The following CSMD1 variants were observed in gnomAD, a reference collection of about 807,000 sequenced individuals.
The protein encoded by CSMD1 is CUB and sushi domain-containing protein 1.
In CSMD1, 213 loss-of-function variants were observed where a neutral mutation model predicts 417.5. The ratio of observed to expected loss-of-function variants is 0.51; its 90% confidence interval spans 0.46 to 0.57. CSMD1 has a LOEUF of 0.57. Ranked by LOEUF, CSMD1 falls within the 20% of genes least tolerant of loss-of-function variation. The probability of loss-of-function intolerance (pLI) is 0.00; values close to 1 mark genes in which losing one functional copy is unlikely to be tolerated. For missense variants in CSMD1, 6,923 were observed against 4,529.7 expected (o/e 1.53, Z -15.17); for synonymous variants, 2,862 against 1,736.8 (o/e 1.65, Z -16.11).
intron 1 of CSMD1, among the ~76,000 whole-genome samples, chr8:4,907,616 G>A (rs564936888): frequency 7.4e-4 from 112 of 152,222 alleles, no homozygotes; most frequent in Admixed American, 2.6e-3. Flanking sequence ...CTGAAGTGCA[G>A]TGGCAAAAAC....
Position 4,467,035 on chromosome 8 carries a change from C to G in CSMD1, c.303-46970G>C, listed in dbSNP as rs573754714. The stretch of plus-strand genomic sequence containing the variant: ...AACTGGCCTCAAAGGCAACAAAAGT[C>G]TGTTTCATGGCAGAACAATTAAAAG... On this transcript the variant is annotated intron_variant, in intron 2 of 69. Transcript: ENST00000635120. Among the ~76,000 whole-genome samples, 72 of 147,086 alleles carry G rather than the reference C, an allele frequency of 4.9e-4. No individual in the cohort carries two copies. The South Asian group carries it at 0.014, about 28-fold the overall frequency.
At chr8:3,563,662 G>A (rs1036259907) in intron 10 of CSMD1, among the ~76,000 whole-genome samples, 11 of 152,138 alleles carry the variant, frequency 7.2e-5, no homozygotes, top group Middle Eastern at 3.4e-3. Context: ...AGGCTGAGGC[G>A]GGTGGATCAT....
At chr8:3,554,868 C>A (rs1270918586) in intron 10 of CSMD1, among the ~76,000 whole-genome samples, 1 of 152,070 alleles carries the variant, frequency 6.6e-6, no homozygotes, top group African/African-American at 2.4e-5. Context: ...AGGCAGGGAG[C>A]CCCCTGCAGT....
In CSMD1 at chr8:3,120,402, C is replaced by T. The variant is rs116780336; in HGVS notation, c.6242-1815G>A. Among the ~76,000 whole-genome samples the T allele has an allele frequency of 5.7e-3, 869 of 152,234 alleles. 7 individuals are homozygous for T. Among genetic ancestry groups the T allele is most frequent in the African/African-American group, 0.019 (792 of 41,530 alleles). ...ATGTGGGCCTACAGCGTGGCCTTGG[C>T]GTTCACAAGATTAATGTAAGTGCTG... On this transcript the variant is annotated intron_variant, in intron 41 of 69. Transcript: ENST00000635120.
intron 5 of CSMD1, among the ~76,000 whole-genome samples, chr8:3,906,312 A>T (rs552829287): frequency 6.6e-6 from 1 of 152,336 alleles, no homozygotes; most frequent in African/African-American, 2.4e-5. Flanking sequence ...AACCCCATGA[A>T]ACATCAATTT....
intron 31 of CSMD1, among the ~76,000 whole-genome samples, chr8:3,202,584 T>C (rs578088246): frequency 2.6e-5 from 4 of 152,314 alleles, no homozygotes; most frequent in South Asian, 2.1e-4. Context: ...TTACAAGCAA[T>C]GAACAACTAA....
intron 2 of CSMD1, among the ~76,000 whole-genome samples, chr8:4,561,609 G>A (rs1011223113): frequency 3.9e-5 from 6 of 152,132 alleles, no homozygotes; most frequent in Non-Finnish European, 8.8e-5. Flanking sequence ...TTGAGCCCAG[G>A]AGATTGAGGC....
In CSMD1 at chr8:3,147,341, C is replaced by A. The variant is rs779973617; in HGVS notation, c.6031+4056G>T. On this transcript the variant is annotated intron_variant, in intron 40 of 69. Coordinates refer to ENST00000635120, the MANE Select transcript of CSMD1 (RefSeq NM_033225.6). ...TGATTTCTACATTTTTACACGAAAG[C>A]AACTTTTCTTAAATAAGTAATATTT... is the stretch of plus-strand genomic sequence containing the variant. Among the ~76,000 whole-genome samples, 4 of 152,170 alleles carry A rather than the reference C, an allele frequency of 2.6e-5. No individual in the cohort carries two copies. The East Asian group carries it at 5.8e-4, about 22-fold the overall frequency.
At chr8:4,023,727 C>G (rs73505282) in intron 4 of CSMD1, among the ~76,000 whole-genome samples, 12,989 of 145,362 alleles carry the variant, frequency 0.089, 622 homozygotes, top group Middle Eastern at 0.12. Context: ...GCTGGGACTA[C>G]AAGCGCCCAC....
intron 50 of CSMD1, among the ~76,000 whole-genome samples, chr8:3,048,501 A>C (rs909851455): frequency 6.6e-6 from 1 of 152,210 alleles, no homozygotes; most frequent in Non-Finnish European, 1.5e-5. Context: ...AATCTTTTCA[A>C]TAAATGGTGC....
chr8:4,453,721 G>A (rs1355584425), intron 2 of CSMD1, among the ~76,000 whole-genome samples: 2 of 151,660 alleles, frequency 1.3e-5, no homozygotes, highest in East Asian at 1.9e-4. Flanking sequence ...ATCACAGCGG[G>A]CTTAACCATC....
intron 23 of CSMD1, among the ~76,000 whole-genome samples, chr8:3,334,692 G>A (rs989529536): frequency 1.3e-5 from 2 of 152,240 alleles, no homozygotes; most frequent in Non-Finnish European, 2.9e-5. Flanking sequence ...TGGAGCTGCA[G>A]TGCAAACGGC....
At chr8:3,223,987 C>G (rs1165637275) in intron 27 of CSMD1, 120 bp from the exon 28 acceptor site, 1 of 895,072 alleles carries the variant, frequency 1.1e-6, no homozygotes. Context: ...TTTACCAGTC[C>G]AAGAGATTGT....
chr8:3,555,050 G>T (rs1799084958), intron 10 of CSMD1, among the ~76,000 whole-genome samples: 1 of 152,090 alleles, frequency 6.6e-6, no homozygotes, highest in African/African-American at 2.4e-5. Context: ...CCTCCGCCAG[G>T]GAAGGCTAAG....
chr8:4,186,618 C>T (rs1798692721), intron 3 of CSMD1, among the ~76,000 whole-genome samples: 2 of 152,154 alleles, frequency 1.3e-5, no homozygotes, highest in South Asian at 4.1e-4. Context: ...CTCAATCTTC[C>T]AGGGGCTAAG....
At chr8:3,604,413 T>C (rs1159589685) in intron 8 of CSMD1, among the ~76,000 whole-genome samples, 1 of 152,018 alleles carries the variant, frequency 6.6e-6, no homozygotes, top group Admixed American at 6.6e-5. Context: ...GGTCAGTATA[T>C]AACACATCTC....
rs1332851586 is a variant in CSMD1 at position 3,723,552 on chromosome 8, T to C, written c.932-15061A>G. 2.6e-5 allele frequency among the ~76,000 whole-genome samples: 4 copies of C among 152,228 alleles called. No homozygotes were observed. The East Asian group carries it at 7.7e-4, about 29-fold the overall frequency. ...TTACTTAAAAATGAACAGTCAGCTA[T>C]TGTTACCTAAACAATTATTAGATAG... On this transcript the variant is annotated intron_variant, in intron 6 of 69. Transcript: ENST00000635120.
At chr8:3,859,190 G>C (rs1804519500) in intron 5 of CSMD1, among the ~76,000 whole-genome samples, 1 of 152,172 alleles carries the variant, frequency 6.6e-6, no homozygotes, top group Non-Finnish European at 1.5e-5. Flanking sequence ...CTCTAAATAT[G>C]TGCGTAGCAG....
At chr8:3,481,595 T>G (rs986176435) in intron 11 of CSMD1, among the ~76,000 whole-genome samples, 1 of 152,204 alleles carries the variant, frequency 6.6e-6, no homozygotes, top group African/African-American at 2.4e-5. Flanking sequence ...TGTGATTAAG[T>G]TAAGGATCGA....
Sources: allele counts gnomAD v4.1 joint callset (sites outside exome capture counted in the v4.1 genomes callset), GRCh38; gene constraint gnomAD v4.1.1; transcripts MANE v1.5; gene names NCBI Gene and HGNC (gene_info 2026-07-23, HGNC 2026-07-21).